The following CRACDL variants were observed in gnomAD, a reference collection of about 807,000 sequenced individuals.
The protein encoded by CRACDL is CRACD like.
A neutral mutation model predicts 70.6 loss-of-function variants in CRACDL; 26 were observed. That is an observed-to-expected ratio of 0.37 (90% confidence interval 0.27 to 0.51). The LOEUF is 0.51. CRACDL is among the 20% of genes least tolerant of loss of function. The pLI is 0.94. For synonymous variants in CRACDL, 618 were observed against 615.2 expected (o/e 1.00, Z -0.07); for missense variants, 1,283 against 1,376.9 (o/e 0.93, Z 1.08).
intron 6 of CRACDL, 61 bp downstream of exon 6, chr2:98,826,914 G>T (rs1266954373): frequency 2.4e-5 from 31 of 1,278,228 alleles, no homozygotes; most frequent in Non-Finnish European, 3.0e-5. Context: ...GTTGGGGGGG[G>T]GCATAGGGGG....
chr2:98,862,180 G>T (rs1706965856), intron 1 of CRACDL, among the ~76,000 whole-genome samples: 1 of 152,082 alleles, frequency 6.6e-6, no homozygotes, highest in Admixed American at 6.6e-5. Context: ...CTGCAAAAAG[G>T]CTCAGTCTCA....
intron 1 of CRACDL, among the ~76,000 whole-genome samples, chr2:98,926,583 C>T (rs924687976): frequency 2.0e-5 from 3 of 152,174 alleles, no homozygotes; most frequent in African/African-American, 7.2e-5. Context: ...GACAATGTGT[C>T]TCCTGGAACC....
At chr2:98,832,724 G>C in intron 4 of CRACDL, 138 bp downstream of exon 4, 2 of 1,153,822 alleles carry the variant, frequency 1.7e-6, no homozygotes, top group Non-Finnish European at 2.5e-6. Flanking sequence ...CAGCTCATTT[G>C]GTGTGTCCTG....
In CRACDL at chr2:98,822,660, T is replaced by C. The variant is rs1223426485; in HGVS notation, c.1613A>G (p.Glu538Gly). The change falls in exon 7 of 10, where the codon GAG becomes GGG. Residue 538 changes from glutamate (E) to glycine (G), a missense_variant. By Grantham distance (98) the Glu-to-Gly change is moderately conservative (BLOSUM62 -2). Transcript: ENST00000397899. The surrounding 1 kb of genome is among the most constrained non-coding windows in gnomAD (Gnocchi z 4.9). ...CTCGGCTCGCTCGGCCTTGGGGCGCTCCGGGGCGGCGGCCTCTGCGTCGAG... is the reference window on the plus strand; with the variant it reads ...CTCGGCTCGCTCGGCCTTGGGGCGCCCCGGGGCGGCGGCCTCTGCGTCGAG... ...GSLDAEAAAP[E>G]RPKAERAEAP... 7.8e-7 allele frequency: 1 copy of C among 1,287,234 alleles called. No homozygotes were observed. The allele number at this position is 1,287,234 out of a possible 1,614,324, so 79.7% of individuals were successfully genotyped here. A position where few individuals can be genotyped will look rare whatever the true frequency, so the allele number is the denominator to read the frequency against.
At position 98,806,040 on chromosome 2, in the gene CRACDL, CAG is replaced by C. The variant is rs200505762; in HGVS notation, c.2417-8505_2417-8504del. Among the ~76,000 whole-genome samples the C allele has an allele frequency of 4.9e-3, 747 of 152,346 alleles. 7 individuals carry two copies. Among genetic ancestry groups the C allele is most frequent in the African/African-American group, 0.017 (706 of 41,574 alleles). ...TCCCCGGTGAAAAGGCTGAGGGAGA[CAG>C]AGAGTCTCCCAGTGGCAGCATTTAT... On this transcript the variant is annotated intron_variant, in intron 7 of 9. Transcript: ENST00000397899.
chr2:98,864,933 T>A (rs1308049539), intron 1 of CRACDL, among the ~76,000 whole-genome samples: 2 of 152,178 alleles, frequency 1.3e-5, no homozygotes, highest in Non-Finnish European at 2.9e-5. Flanking sequence ...TAAAGACATT[T>A]TCAGAAAAGA....
At chr2:98,873,245 C>T (rs1707398366) in intron 1 of CRACDL, among the ~76,000 whole-genome samples, 1 of 152,204 alleles carries the variant, frequency 6.6e-6, no homozygotes. Context: ...CAATTTCTGT[C>T]TTTTTCACAA....
intron 5 of CRACDL, 119 bp downstream of exon 5, chr2:98,832,229 A>C: frequency 9.8e-7 from 1 of 1,024,478 alleles, no homozygotes; most frequent in South Asian, 1.3e-5. Flanking sequence ...CCAGTGACCC[A>C]GTTGGCCACA....
At chr2:98,907,423 A>AG (rs1204780030) in intron 1 of CRACDL, among the ~76,000 whole-genome samples, 8 of 152,208 alleles carry the variant, frequency 5.3e-5, no homozygotes, top group African/African-American at 1.7e-4. Context: ...TTCTCTGCCG[A>AG]GCCTCAAAGA....
intron 1 of CRACDL, among the ~76,000 whole-genome samples, chr2:98,882,607 C>T (rs1184846970): frequency 6.6e-6 from 1 of 152,136 alleles, no homozygotes; most frequent in Non-Finnish European, 1.5e-5. Flanking sequence ...AGCTAGCTAG[C>T]TGTGATTTTC....
At chr2:98,849,733 C>A (rs565077828) in intron 1 of CRACDL, among the ~76,000 whole-genome samples, 1 of 151,832 alleles carries the variant, frequency 6.6e-6, no homozygotes, top group Non-Finnish European at 1.5e-5. Flanking sequence ...GACAAAGGGA[C>A]AACAAATGGA....
intron 1 of CRACDL, among the ~76,000 whole-genome samples, chr2:98,848,015 G>C (rs1475902673): frequency 1.3e-5 from 2 of 152,060 alleles, no homozygotes; most frequent in South Asian, 4.1e-4. Flanking sequence ...ATACAATTTG[G>C]CTTCAAAAAA....
intron 1 of CRACDL, among the ~76,000 whole-genome samples, chr2:98,913,762 C>G (rs1179629975): frequency 1.3e-5 from 2 of 152,184 alleles, no homozygotes; most frequent in South Asian, 2.1e-4. Flanking sequence ...CCTCCCCAGT[C>G]GTTAGAATGA....
chr2:98,922,570 C>T (rs1342575071), intron 1 of CRACDL, among the ~76,000 whole-genome samples: 1 of 152,236 alleles, frequency 6.6e-6, no homozygotes, highest in African/African-American at 2.4e-5. Flanking sequence ...CTGGACCTGC[C>T]ATGAGCAGCG....
In CRACDL at chr2:98,821,871, A is replaced by G; in HGVS notation, c.2402T>C (p.Leu801Pro). 1 of 1,607,150 alleles carries G rather than the reference A, an allele frequency of 6.2e-7. No homozygotes were observed. The highest frequency in any genetic ancestry group is 2.2e-5 in the East Asian group (1 of 44,706). Residue 801 changes from leucine (L) to proline (P), a missense_variant, in exon 7 of 10, where the codon CTG becomes CCG. Leu to Pro is a moderately conservative substitution (Grantham distance 98). Coordinates refer to ENST00000397899, the MANE Select transcript of CRACDL (RefSeq NM_207362.3). ...KEPRTAEKRP[L>P]RRGAEKSLPP... ...CGGGCTCTTACCAGCTCCCCTGCGC[A>G]GCGGCCTTTTCTCCGCCGTCCTGGG...
rs1302727369 is a variant in CRACDL at position 98,928,519 on chromosome 2, GC to G, written c.-11+7418del. 2.0e-5 allele frequency among the ~76,000 whole-genome samples: 3 copies of G among 152,084 alleles called. No individual in the cohort carries two copies. The East Asian group carries it at 5.8e-4, about 30-fold the overall frequency. ...CAGACTTCTTCGTGCTAATTGCTGG[GC>G]CCTCCCTGCTGGCTGGCCTGGCCAT... is the stretch of plus-strand genomic sequence containing the variant. On this transcript the variant is annotated intron_variant, in intron 1 of 9. Coordinates refer to ENST00000397899, the MANE Select transcript of CRACDL (RefSeq NM_207362.3).
chr2:98,804,529 C>A (rs183247523), intron 7 of CRACDL, among the ~76,000 whole-genome samples: 298 of 152,268 alleles, frequency 2.0e-3, no homozygotes, highest in African/African-American at 6.6e-3. Flanking sequence ...GCTCTTACAC[C>A]GTATACAGTA....
intron 3 of CRACDL, among the ~76,000 whole-genome samples, chr2:98,834,784 C>T (rs545966844): frequency 3.9e-4 from 59 of 152,176 alleles, no homozygotes; most frequent in African/African-American, 1.3e-3. Flanking sequence ...AATTTTATAT[C>T]AGATTGTTGG....
intron 2 of CRACDL, among the ~76,000 whole-genome samples, chr2:98,843,038 C>T (rs765428544): frequency 2.6e-5 from 4 of 152,072 alleles, no homozygotes; most frequent in Non-Finnish European, 5.9e-5. Context: ...GCATTCCTCC[C>T]TTCAATGCAT....
Sources: gnomAD v4.1 joint callset for allele counts (sites outside exome capture counted in the v4.1 genomes callset) on GRCh38, gnomAD v4.1.1 for gene constraint, Gnocchi (gnomAD v3.1) non-coding constraint, MANE v1.5 for transcripts, NCBI Gene and HGNC (gene_info 2026-07-23, HGNC 2026-07-21) for gene names.